SRL: variants seen among roughly 807,000 people sequenced by gnomAD.
SRL encodes sarcalumenin.
SRL carries 23 observed loss-of-function variants against 39.5 expected under a neutral mutation model. That is an observed-to-expected ratio of 0.58 (90% confidence interval 0.42 to 0.82). The LOEUF (loss-of-function observed/expected upper bound fraction) is 0.82. SRL is among the 40% of genes least tolerant of loss of function. SRL has a pLI of 0.00. For synonymous variants in SRL, 272 were observed against 237.4 expected, an observed-to-expected ratio of 1.15 and a Z score of -1.34; for missense variants, 592 against 607.8, an observed-to-expected ratio of 0.97 and a Z score of 0.27.
At chr16:4,199,714 T>TC (rs2052198912) in intron 3 of SRL, among the ~76,000 whole-genome samples, 2 of 147,608 alleles carry the variant, frequency 1.4e-5, no homozygotes, top group Admixed American at 6.8e-5. Flanking sequence ...TTTTTTTTTT[T>TC]GAGACAGAGT....
chr16:4,221,773 C>T (rs868004727), intron 1 of SRL, among the ~76,000 whole-genome samples: 1 of 152,212 alleles, frequency 6.6e-6, no homozygotes, highest in African/African-American at 2.4e-5. Context: ...AAGAGGGCCA[C>T]CTCCTCTGAA....
chr16:4,213,586 AT>A (rs1597282226), intron 1 of SRL, among the ~76,000 whole-genome samples: 2 of 149,178 alleles, frequency 1.3e-5, no homozygotes, highest in East Asian at 3.9e-4. Context: ...GATTTTTTTC[AT>A]TTTTGTAGAG....
At chr16:4,213,607 C>T (rs1280829351) in intron 1 of SRL, among the ~76,000 whole-genome samples, 5 of 151,274 alleles carry the variant, frequency 3.3e-5, no homozygotes, top group Non-Finnish European at 7.4e-5. Flanking sequence ...GATGAGGTCT[C>T]GCTATGTTGC....
At chr16:4,203,045 G>T in intron 3 of SRL, 121 bp downstream of exon 3, 1 of 869,342 alleles carries the variant, frequency 1.2e-6, no homozygotes, top group Non-Finnish European at 1.9e-6. Context: ...CACACATCAT[G>T]AATGAGCTCC....
intron 3 of SRL, among the ~76,000 whole-genome samples, chr16:4,198,981 C>T (rs188390985): frequency 6.6e-6 from 1 of 152,130 alleles, no homozygotes; most frequent in Non-Finnish European, 1.5e-5. Context: ...AGGCTTTCAA[C>T]GTGGGGTGTG....
rs117695927 is a variant in SRL at position 4,219,838 on chromosome 16, G to A, written c.62-15204C>T. 4.7e-3 allele frequency among the ~76,000 whole-genome samples: 710 copies of A among 152,158 alleles called. 3 individuals carry two copies. Among genetic ancestry groups the A allele is most frequent in the Non-Finnish European group, 7.6e-3 (519 of 68,002 alleles). On this transcript the variant is annotated intron_variant, in intron 1 of 5. Coordinates refer to ENST00000399609, the MANE Select transcript of SRL (RefSeq NM_001098814.2). ...GCATTAAGTCTGTGGTATTCCTGGC[G>A]TCAGCAGAGGCATGCAGGAATGGTT...
chr16:4,234,719 G>C (rs1040735029), intron 1 of SRL, among the ~76,000 whole-genome samples: 2 of 152,214 alleles, frequency 1.3e-5, no homozygotes, highest in African/African-American at 4.8e-5. Context: ...GACCTCTCGA[G>C]CACTGGGCAG....
intron 5 of SRL, among the ~76,000 whole-genome samples, chr16:4,193,841 C>T (rs992100142): frequency 8.6e-5 from 13 of 150,734 alleles, no homozygotes; most frequent in Non-Finnish European, 1.3e-4. Context: ...AATTATCCAA[C>T]GTGTAGTAGG....
At chr16:4,193,511 G>A (rs1268929206) in intron 5 of SRL, among the ~76,000 whole-genome samples, 3 of 152,226 alleles carry the variant, frequency 2.0e-5, no homozygotes, top group Non-Finnish European at 2.9e-5. Flanking sequence ...GGGAAGGAAT[G>A]TGGGCTTAGC....
intron 1 of SRL, among the ~76,000 whole-genome samples, chr16:4,216,404 C>T (rs569444605): frequency 5.9e-5 from 9 of 151,930 alleles, no homozygotes; most frequent in East Asian, 1.9e-4. Flanking sequence ...CCTGAGTAGC[C>T]GGGACCACAA....
chr16:4,209,468 C>T (rs960406860), intron 1 of SRL, among the ~76,000 whole-genome samples: 2 of 152,076 alleles, frequency 1.3e-5, no homozygotes, highest in Non-Finnish European at 2.9e-5. Flanking sequence ...AAGAGTACCC[C>T]ACCTATCTGC....
chr16:4,215,408 A>G (rs1191190741), intron 1 of SRL, among the ~76,000 whole-genome samples: 1 of 152,244 alleles, frequency 6.6e-6, no homozygotes, highest in Non-Finnish European at 1.5e-5. Flanking sequence ...ATGACAGGGT[A>G]CAATGACAAA....
intron 4 of SRL, among the ~76,000 whole-genome samples, chr16:4,196,872 GC>G (rs2052153630): frequency 6.6e-6 from 1 of 152,064 alleles, no homozygotes. Context: ...CATCCATGTA[GC>G]AGATATCAGA....
At chr16:4,201,971 T>G (rs1198913821) in intron 3 of SRL, among the ~76,000 whole-genome samples, 1 of 151,956 alleles carries the variant, frequency 6.6e-6, no homozygotes, top group Non-Finnish European at 1.5e-5. Context: ...TTGTATTTTT[T>G]GTAGAGATGG....
intron 1 of SRL, among the ~76,000 whole-genome samples, chr16:4,237,226 G>A (rs989028251): frequency 6.6e-6 from 1 of 152,190 alleles, no homozygotes; most frequent in African/African-American, 2.4e-5. Context: ...ACAGGTGTGA[G>A]CCACTTCATC....
At chr16:4,207,403 C>T in intron 1 of SRL, 1 of 456,682 alleles carries the variant, frequency 2.2e-6, no homozygotes. Flanking sequence ...GTGTCAATAT[C>T]TGGCTCCGAC....
intron 2 of SRL, among the ~76,000 whole-genome samples, chr16:4,203,898 G>A (rs940503073): frequency 3.9e-5 from 6 of 152,338 alleles, no homozygotes; most frequent in East Asian, 1.9e-4. Context: ...TGGCCCTGGC[G>A]TTGGCCTGTC....
rs368683483 is a variant in SRL at position 4,204,518 on chromosome 16, C to T, written c.163+15G>A. 4,934 of 1,544,242 alleles carry T rather than the reference C, an allele frequency of 3.2e-3. 19 individuals carry two copies. The highest frequency in any genetic ancestry group is 3.8e-3 in the Non-Finnish European group (4,345 of 1,145,866). ...GGCTCTCCCAGCCCTGGGCATATCT[C>T]CCTCCCCTGGTTACCAGAGTAGTCA... is the stretch of plus-strand genomic sequence containing the variant. On this transcript the variant is annotated intron_variant, in intron 2 of 5. Transcript: ENST00000399609.
chr16:4,204,450 G>A (rs2052287983), intron 2 of SRL, 83 bp downstream of exon 2: 5 of 799,722 alleles, frequency 6.3e-6, no homozygotes, highest in South Asian at 5.0e-5. Flanking sequence ...GCACGCCCTG[G>A]CTCTCAGGAG....
Sources: allele counts gnomAD v4.1 joint callset (sites outside exome capture counted in the v4.1 genomes callset), GRCh38; gene constraint gnomAD v4.1.1; transcripts MANE v1.5; gene names NCBI Gene and HGNC (gene_info 2026-07-23, HGNC 2026-07-21).